The following WASF3 variants were observed in gnomAD, a reference collection of about 807,000 sequenced individuals.
The protein encoded by WASF3 is WASP family member 3, also known as actin-binding protein WASF3.
WASF3 carries 11 observed loss-of-function variants against 46.6 expected under a neutral mutation model. The ratio of observed to expected loss-of-function variants is 0.24; its 90% CI spans 0.15 to 0.39. WASF3 has a LOEUF of 0.39. Ranked by LOEUF, WASF3 falls within the 10% of genes least tolerant of loss-of-function variation. The pLI is 1.00. For synonymous variants in WASF3, 242 were observed against 259.7 expected (o/e 0.93, Z 0.65); for missense variants, 576 against 669.8 (o/e 0.86, Z 1.55).
At chr13:26,596,440 C>T (rs1283840226) in intron 1 of WASF3, among the ~76,000 whole-genome samples, 6 of 151,940 alleles carry the variant, frequency 3.9e-5, no homozygotes, top group Non-Finnish European at 5.9e-5. Flanking sequence ...GCATTCTAAA[C>T]ATGTCAGTTC....
intron 3 of WASF3, among the ~76,000 whole-genome samples, chr13:26,658,320 A>G (rs1882526667): frequency 6.6e-6 from 1 of 152,240 alleles, no homozygotes; most frequent in Admixed American, 6.5e-5. Flanking sequence ...TATGTCAGAC[A>G]TTCAGAAATA....
Position 26,661,190 on chromosome 13 carries a change from C to G in WASF3, c.134-3838C>G, listed in dbSNP as rs866142267. ...CCACGCTGTAGCAAGTAATGTTAACCACTGTGTACACATGGCTGTGCAGCA... is the reference window on the plus strand; with the variant it reads ...CCACGCTGTAGCAAGTAATGTTAACGACTGTGTACACATGGCTGTGCAGCA... On this transcript the variant is annotated intron_variant, in intron 3 of 9. Coordinates refer to ENST00000335327, the MANE Select transcript of WASF3 (RefSeq NM_006646.6). Among the ~76,000 whole-genome samples the G allele has an allele frequency of 3.9e-5, 6 of 152,298 alleles. No individual in the cohort carries two copies. The South Asian group carries it at 1.2e-3, about 32-fold the overall frequency.
the WASF3 span, among the ~76,000 whole-genome samples, chr13:26,543,035 GT>G: frequency 2.0e-5 from 3 of 152,202 alleles, no homozygotes. Context: ...ATGATGGAGG[GT>G]AGTGCAGGGC....
intron 1 of WASF3, among the ~76,000 whole-genome samples, chr13:26,605,297 GTTA>G (rs1880759897): frequency 6.6e-6 from 1 of 152,180 alleles, no homozygotes; most frequent in African/African-American, 2.4e-5. Context: ...TCATGAGAAA[GTTA>G]TTATTATTTT....
chr13:26,650,113 C>T (rs1882271024), intron 3 of WASF3, among the ~76,000 whole-genome samples: 2 of 152,238 alleles, frequency 1.3e-5, no homozygotes, highest in South Asian at 4.2e-4. Context: ...CATGCCTGCC[C>T]TCAAAAGAAA....
intron 4 of WASF3, among the ~76,000 whole-genome samples, chr13:26,666,556 A>T (rs1441706887): frequency 1.3e-5 from 2 of 151,920 alleles, no homozygotes; most frequent in African/African-American, 4.9e-5. Flanking sequence ...TCAGTGGTTG[A>T]ATAGGTAGGT....
chr13:26,633,203 T>TTC (rs1881709972), intron 2 of WASF3, among the ~76,000 whole-genome samples: 1 of 130,790 alleles, frequency 7.6e-6, no homozygotes, highest in Admixed American at 7.5e-5. Context: ...GTTATTTCTT[T>TTC]TTTTTTTTTT....
intron 2 of WASF3, among the ~76,000 whole-genome samples, chr13:26,632,899 G>A (rs1029732540): frequency 1.3e-5 from 2 of 152,144 alleles, no homozygotes; most frequent in East Asian, 1.9e-4. Flanking sequence ...GTTTAGTCTT[G>A]GGAGGGTGTA....
the WASF3 span, among the ~76,000 whole-genome samples, chr13:26,546,967 A>T: frequency 6.6e-6 from 1 of 152,174 alleles, no homozygotes; most frequent in Non-Finnish European, 1.5e-5. Context: ...ATCTCTACTT[A>T]CCATGTCTGA....
intron 3 of WASF3, among the ~76,000 whole-genome samples, chr13:26,643,748 A>G (rs1481908990): frequency 1.3e-5 from 2 of 152,270 alleles, no homozygotes; most frequent in Non-Finnish European, 1.5e-5. Context: ...AGTTTTAATA[A>G]TCAATCTGTA....
At chr13:26,579,870 T>G (rs553199151) in intron 1 of WASF3, among the ~76,000 whole-genome samples, 1 of 152,202 alleles carries the variant, frequency 6.6e-6, no homozygotes, top group Non-Finnish European at 1.5e-5. Context: ...CTTTCTAGGA[T>G]GATTGTATTT....
chr13:26,566,377 C>T (rs1879464570), intron 1 of WASF3, among the ~76,000 whole-genome samples: 1 of 151,974 alleles, frequency 6.6e-6, no homozygotes, highest in African/African-American at 2.4e-5. Flanking sequence ...AGTAATAAAG[C>T]TAAATATAAA....
Position 26,682,271 on chromosome 13 carries a change from C to T in WASF3, c.984-336C>T, listed in dbSNP as rs1053866166. Reference sequence around the variant, plus strand: ...CTTAAAAGACAAGTTTGTGAGCTACCGCCTTGAGATCCCAGTGTGAAGCCT... The same window carrying T: ...CTTAAAAGACAAGTTTGTGAGCTACTGCCTTGAGATCCCAGTGTGAAGCCT... On this transcript the variant is annotated intron_variant, in intron 8 of 9. Coordinates refer to ENST00000335327, the MANE Select transcript of WASF3 (RefSeq NM_006646.6). The surrounding 1 kb of genome is among the most constrained non-coding windows in gnomAD (Gnocchi z 4.4). Among the ~76,000 whole-genome samples the T allele has an allele frequency of 3.9e-5, 6 of 152,172 alleles. No homozygotes were observed. Among genetic ancestry groups the T allele is most frequent in the African/African-American group, 1.4e-4 (6 of 41,436 alleles).
intron 1 of WASF3, among the ~76,000 whole-genome samples, chr13:26,560,724 C>T (rs1008591272): frequency 2.6e-5 from 4 of 152,174 alleles, no homozygotes; most frequent in African/African-American, 7.2e-5. Context: ...TTTATTCATT[C>T]AGTACACTTC....
At chr13:26,651,204 C>T in intron 3 of WASF3, among the ~76,000 whole-genome samples, 1 of 152,130 alleles carries the variant, frequency 6.6e-6, no homozygotes, top group East Asian at 1.9e-4. Context: ...TGCCTGTAGT[C>T]TCAGCTACTT....
intron 2 of WASF3, among the ~76,000 whole-genome samples, chr13:26,615,254 C>G (rs887434887): frequency 1.3e-5 from 2 of 152,092 alleles, no homozygotes; most frequent in Admixed American, 6.5e-5. Flanking sequence ...TGATCTCCTA[C>G]TTTGTCATAC....
intron 1 of WASF3, among the ~76,000 whole-genome samples, chr13:26,609,769 A>G (rs1880913716): frequency 1.3e-5 from 2 of 152,148 alleles, no homozygotes; most frequent in South Asian, 2.1e-4. Context: ...AAGATTACCC[A>G]GTCTGTTCCT....
intron 2 of WASF3, among the ~76,000 whole-genome samples, chr13:26,632,017 G>C (rs1881666281): frequency 6.6e-6 from 1 of 152,186 alleles, no homozygotes; most frequent in Non-Finnish European, 1.5e-5. Context: ...TTTGCACGTT[G>C]ATTTTGTATC....
chr13:26,577,034 C>T lies in WASF3; in HGVS notation c.-109+19215C>T, dbSNP rs982855344. On this transcript the variant is annotated intron_variant, in intron 1 of 9. Transcript: ENST00000335327. Reference sequence around the variant, plus strand: ...AGGAATATTGGAAAGATGCTAGTCACCAGGACCCAAGGAAACAAAATTGCA... The same window carrying T: ...AGGAATATTGGAAAGATGCTAGTCATCAGGACCCAAGGAAACAAAATTGCA... 7 of 721,288 alleles carry T rather than the reference C, an allele frequency of 9.7e-6. No individual in the cohort carries two copies. In the African/African-American group the frequency reaches 1.0e-4, roughly 11 times the overall value. The allele number at this position is 721,288 out of a possible 1,614,324, so 44.7% of individuals were successfully genotyped here.
Sources: gnomAD v4.1 joint callset for allele counts (sites outside exome capture counted in the v4.1 genomes callset) on GRCh38, gnomAD v4.1.1 for gene constraint, Gnocchi (gnomAD v3.1) non-coding constraint, MANE v1.5 for transcripts, NCBI Gene and HGNC (gene_info 2026-07-23, HGNC 2026-07-21) for gene names.